PTK6: variants seen among roughly 807,000 people sequenced by gnomAD.
PTK6 encodes protein tyrosine kinase 6, also known as protein-tyrosine kinase 6.
Under a neutral mutation model 47.5 loss-of-function variants are expected in PTK6, and 47 were observed. The observed-to-expected ratio is 0.99, with a 90% CI of 0.78 to 1.26. PTK6 has a LOEUF of 1.26. PTK6 is among the 50% of genes most tolerant of loss of function. The probability of loss-of-function intolerance (pLI) is 0.00; values close to 1 mark genes in which losing one functional copy is unlikely to be tolerated. For missense variants in PTK6, 618 were observed against 625.3 expected, an observed-to-expected ratio of 0.99 and a Z score of 0.12; for synonymous variants, 287 against 276.5, an observed-to-expected ratio of 1.04 and a Z score of -0.38.
In PTK6 at chr20:63,533,624, G is replaced by A. The variant is rs368927711; in HGVS notation, c.597C>T (p.Ser199=). 3.8e-5 allele frequency: 61 copies of A among 1,613,830 alleles called. No homozygotes were observed. In the African/African-American group the frequency reaches 5.3e-4, roughly 14 times the overall value. ...CCTCGAAGACCTCCCCAAAGTAGCCGGACCCCAGCTTCCTGCAGAGCGTGA... is the reference window on the plus strand; with the variant it reads ...CCTCGAAGACCTCCCCAAAGTAGCCAGACCCCAGCTTCCTGCAGAGCGTGA... ...EEFTLCRKLG[S]GYFGEVFEGL... The change falls in exon 4 of 8, where the codon TCC becomes TCT. Residue 199 remains serine, a synonymous_variant. Transcript: ENST00000542869. The surrounding 1 kb of genome is among the most constrained non-coding windows in gnomAD (Gnocchi z 4.0).
Position 63,537,036 on chromosome 20 carries a change from G to A in PTK6, c.230+49C>T, listed in dbSNP as rs1001391513. The A allele has an allele frequency of 6.5e-7, 1 of 1,537,738 alleles. No individual in the cohort carries two copies. The highest frequency in any genetic ancestry group is 1.4e-5 in the African/African-American group (1 of 72,894). On this transcript the variant is annotated intron_variant, in intron 1 of 7. Coordinates refer to ENST00000542869, the MANE Select transcript of PTK6 (RefSeq NM_005975.4). ...GCCCAGAGCCCTGTCCCTCCCCTGT[G>A]CCTAGAGGGTGGCCTGTGCCAAAGC... is the stretch of plus-strand genomic sequence containing the variant.
rs2082678642 is a variant in PTK6, at chr20:63,537,341, G to A, written c.-27C>T. Reference sequence around the variant, plus strand: ...GCGGGCGGGCGCAGCGGCAGGACCAGGCTGTGGCCCAGCTGGAGCACCCAG... The same window carrying A: ...GCGGGCGGGCGCAGCGGCAGGACCAAGCTGTGGCCCAGCTGGAGCACCCAG... On this transcript the variant is annotated 5_prime_UTR_variant, in exon 1 of 8. Coordinates refer to ENST00000542869, the MANE Select transcript of PTK6 (RefSeq NM_005975.4). 1.3e-6 allele frequency: 2 copies of A among 1,570,420 alleles called. No homozygotes were observed. Among genetic ancestry groups the A allele is most frequent in the Non-Finnish European group, 8.7e-7 (1 of 1,154,416 alleles).
chr20:63,537,351 C>T lies in PTK6; in HGVS notation c.-37G>A. The T allele has an allele frequency of 6.5e-7, 1 of 1,538,110 alleles. No individual in the cohort carries two copies. Among genetic ancestry groups the T allele is most frequent in the Non-Finnish European group, 8.8e-7 (1 of 1,130,728 alleles). On this transcript the variant is annotated 5_prime_UTR_variant, in exon 1 of 8. Transcript: ENST00000542869. ...GCAGCGGCAGGACCAGGCTGTGGCCCAGCTGGAGCACCCAGAGCTGGGCGT... is the reference window on the plus strand; with the variant it reads ...GCAGCGGCAGGACCAGGCTGTGGCCTAGCTGGAGCACCCAGAGCTGGGCGT...
Position 63,530,628 on chromosome 20 carries a change from C to T in PTK6, c.1014+118G>A. ...CCACCTCCCTGCCCAGCCTGGGCTCCCGAGGGCAGGGGCCGCATCCTGCTC... is the reference window on the plus strand; with the variant it reads ...CCACCTCCCTGCCCAGCCTGGGCTCTCGAGGGCAGGGGCCGCATCCTGCTC... On this transcript the variant is annotated intron_variant, in intron 6 of 7. Coordinates refer to ENST00000542869, the MANE Select transcript of PTK6 (RefSeq NM_005975.4). The surrounding 1 kb of genome is among the most constrained non-coding windows in gnomAD (Gnocchi z 4.1). 2.3e-6 allele frequency: 3 copies of T among 1,302,558 alleles called. No homozygotes were observed. The highest frequency in any genetic ancestry group is 3.1e-6 in the Non-Finnish European group (3 of 960,626). The allele number at this position is 1,302,558 out of a possible 1,614,324, so 80.7% of individuals were successfully genotyped here. A position where few individuals can be genotyped will look rare whatever the true frequency, so the allele number is the denominator to read the frequency against.
intron 4 of PTK6, 125 bp from the exon 5 acceptor site, chr20:63,532,812 T>C: frequency 7.8e-7 from 1 of 1,284,260 alleles, no homozygotes; most frequent in Non-Finnish European, 1.0e-6. Flanking sequence ...CACACAGACC[T>C]CCTGCCCCCG....
At chr20:63,531,613 T>C (rs1327731911) in intron 5 of PTK6, among the ~76,000 whole-genome samples, 2 of 107,300 alleles carry the variant, frequency 1.9e-5, no homozygotes, top group African/African-American at 2.7e-4. Context: ...AGACTCCGTC[T>C]CAAAAAAAAA....
At position 63,532,594 on chromosome 20, in the gene PTK6, GA is replaced by G. The variant is rs1569011617; in HGVS notation, c.763del (p.Ser255ProfsTer79). ...KHILALYAVV[S>X]VGDPVYIITE... ...GATGATGTACACGGGGTCCCCCACG[GA>G]CACCACGGCGTACAGCGCCAGGATG... On this transcript the variant is annotated frameshift_variant, in exon 5 of 8. Transcript: ENST00000542869. LOFTEE classifies it high-confidence loss of function. The G allele has an allele frequency of 4.3e-6, 7 of 1,614,088 alleles. No individual in the cohort carries two copies. Among genetic ancestry groups the G allele is most frequent in the Non-Finnish European group, 5.9e-6 (7 of 1,180,004 alleles).
chr20:63,530,180 G>A lies in PTK6; in HGVS notation c.1066C>T (p.Pro356Ser), dbSNP rs777792665. The A allele has an allele frequency of 1.2e-6, 2 of 1,614,092 alleles. No individual in the cohort carries two copies. Among genetic ancestry groups the A allele is most frequent in the Non-Finnish European group, 1.7e-6 (2 of 1,179,992 alleles). The change falls in exon 7 of 8, where the codon CCT (proline) becomes TCT (serine). Residue 356 changes from proline to serine, a missense_variant. By Grantham distance (74) the Pro-to-Ser change is moderately conservative (BLOSUM62 -1). Coordinates refer to ENST00000542869, the MANE Select transcript of PTK6 (RefSeq NM_005975.4). This position sits in a 1 kb window ranked among gnomAD's most constrained non-coding sequence, Gnocchi z 4.1. Reference protein sequence around the residue: ...DHNIPYKWTAPEALSRGHYST... With the variant: ...DHNIPYKWTASEALSRGHYST... ...TAATGGCCTCGGGAGAGCGCTTCAGGGGCCGTCCACTTGTAGGGGATATTG... is the reference window on the plus strand; with the variant it reads ...TAATGGCCTCGGGAGAGCGCTTCAGAGGCCGTCCACTTGTAGGGGATATTG...
Position 63,537,084 on chromosome 20 carries a change from C to G in PTK6, c.230+1G>C. 1 of 1,606,722 alleles carries G rather than the reference C, an allele frequency of 6.2e-7. No homozygotes were observed. The highest frequency in any genetic ancestry group is 8.5e-7 in the Non-Finnish European group (1 of 1,177,100). ...AGCTCCCAGCAGCCTAGGACACGCACGGTTCCGACTCCACCGTCTCCCTCT... is the reference window on the plus strand; with the variant it reads ...AGCTCCCAGCAGCCTAGGACACGCAGGGTTCCGACTCCACCGTCTCCCTCT... On this transcript the variant is annotated splice_donor_variant, in intron 1 of 7. Transcript: ENST00000542869. LOFTEE classifies it high-confidence loss of function.
intron 5 of PTK6, 82 bp downstream of exon 5, chr20:63,532,444 T>C: frequency 2.1e-6 from 3 of 1,444,278 alleles, no homozygotes; most frequent in Non-Finnish European, 2.8e-6. Flanking sequence ...TGTGTGTGTG[T>C]AGACGTGGGG....
In PTK6 at chr20:63,530,327, G is replaced by A; in HGVS notation, c.1015-96C>T. On this transcript the variant is annotated intron_variant, in intron 6 of 7. Coordinates refer to ENST00000542869, the MANE Select transcript of PTK6 (RefSeq NM_005975.4). This position sits in a 1 kb window ranked among gnomAD's most constrained non-coding sequence, Gnocchi z 4.1. ...CAGCGGCCGCATTGCCCCAGCAGTG[G>A]GACGGTGATGACCCCACTGTCTGAC... 3 of 1,477,268 alleles carry A rather than the reference G, an allele frequency of 2.0e-6. No homozygotes were observed. Among genetic ancestry groups the A allele is most frequent in the South Asian group, 2.5e-5 (2 of 79,942 alleles). The allele number at this position is 1,477,268 out of a possible 1,614,324, so 91.5% of individuals were successfully genotyped here.
chr20:63,530,276 C>A lies in PTK6; in HGVS notation c.1015-45G>T. 1 of 1,603,854 alleles carries A rather than the reference C, an allele frequency of 6.2e-7. No homozygotes were observed. Among genetic ancestry groups the A allele is most frequent in the South Asian group, 1.1e-5 (1 of 90,484 alleles). ...GAGTGGGCCGTGGGGGCTGCCTGTGCCCTGCCCCCGAAGCATGGACGGGCA... is the reference window on the plus strand; with the variant it reads ...GAGTGGGCCGTGGGGGCTGCCTGTGACCTGCCCCCGAAGCATGGACGGGCA... On this transcript the variant is annotated intron_variant, in intron 6 of 7. Coordinates refer to ENST00000542869, the MANE Select transcript of PTK6 (RefSeq NM_005975.4). The surrounding 1 kb of genome is among the most constrained non-coding windows in gnomAD (Gnocchi z 4.1).
In PTK6 at chr20:63,533,409, G is replaced by C. The variant is rs2082640569; in HGVS notation, c.670+142C>G. The C allele has an allele frequency of 1.0e-6, 1 of 958,724 alleles. No homozygotes were observed. Among genetic ancestry groups the C allele is most frequent in the African/African-American group, 1.7e-5 (1 of 58,782 alleles). The allele number at this position is 958,724 out of a possible 1,614,324, so 59.4% of individuals were successfully genotyped here. A position where few individuals can be genotyped will look rare whatever the true frequency, so the allele number is the denominator to read the frequency against. On this transcript the variant is annotated intron_variant, in intron 4 of 7. Coordinates refer to ENST00000542869, the MANE Select transcript of PTK6 (RefSeq NM_005975.4). This position sits in a 1 kb window ranked among gnomAD's most constrained non-coding sequence, Gnocchi z 4.0. Reference sequence around the variant, plus strand: ...TAAATGTATTTAGGTAAAAACATAGGTGCAATTGAAAGGGAACCACTCTCG... The same window carrying C: ...TAAATGTATTTAGGTAAAAACATAGCTGCAATTGAAAGGGAACCACTCTCG...
intron 1 of PTK6, among the ~76,000 whole-genome samples, chr20:63,535,535 ACTCC>A (rs2082658131): frequency 1.3e-5 from 2 of 151,642 alleles, no homozygotes; most frequent in African/African-American, 4.9e-5. Context: ...GCGCGCACTA[ACTCC>A]CGGCTGCGGG....
rs527896322 is a variant in PTK6 at position 63,533,826 on chromosome 20, G to T, written c.517-122C>A. 1.5e-6 allele frequency: 2 copies of T among 1,354,988 alleles called. No individual in the cohort carries two copies. Among genetic ancestry groups the T allele is most frequent in the African/African-American group, 1.5e-5 (1 of 66,954 alleles). The allele number at this position is 1,354,988 out of a possible 1,614,324, so 83.9% of individuals were successfully genotyped here. On this transcript the variant is annotated intron_variant, in intron 3 of 7. Transcript: ENST00000542869. This position sits in a 1 kb window ranked among gnomAD's most constrained non-coding sequence, Gnocchi z 4.0. ...GGGCCACGATCAGCCTGGGTTGGGG[G>T]TTTCTGAGTGTCTGACACAAGGGTG...
At chr20:63,535,632 C>T (rs967727759) in intron 1 of PTK6, among the ~76,000 whole-genome samples, 2 of 151,934 alleles carry the variant, frequency 1.3e-5, no homozygotes, top group Admixed American at 6.6e-5. Context: ...GTGTCTGACT[C>T]CCTCAGGTCA....
At chr20:63,531,463 T>TATAA (rs1337093853) in intron 5 of PTK6, among the ~76,000 whole-genome samples, 88 of 94,478 alleles carry the variant, frequency 9.3e-4, no homozygotes, top group Admixed American at 1.8e-3. Flanking sequence ...TATATATATA[T>TATAA]AATTAGCTGG....
Position 63,537,250 on chromosome 20 carries a change from C to A in PTK6, c.65G>T (p.Arg22Leu). The A allele has an allele frequency of 6.2e-7, 1 of 1,612,358 alleles. No homozygotes were observed. The highest frequency in any genetic ancestry group is 1.1e-5 in the South Asian group (1 of 91,030). ...GCGGAAGCTCAGCTCCTCGTCCGTC[C>A]GGGACTTGAAGTCCCAGAGGCCCAC... ...KYVGLWDFKS[R>L]TDEELSFRAG... The change falls in exon 1 of 8, where the codon CGG (arginine) becomes CTG (leucine). Residue 22 changes from arginine to leucine, a missense_variant. Arg to Leu is a moderately radical substitution (Grantham distance 102, BLOSUM62 -2). Coordinates refer to ENST00000542869, the MANE Select transcript of PTK6 (RefSeq NM_005975.4).
intron 3 of PTK6, 99 bp downstream of exon 3, chr20:63,534,053 C>T: frequency 7.1e-7 from 1 of 1,403,508 alleles, no homozygotes. Context: ...TGAGTCAGGA[C>T]CCCTCCCATG....
Sources: gnomAD v4.1 joint callset for allele counts (sites outside exome capture counted in the v4.1 genomes callset) on GRCh38, gnomAD v4.1.1 for gene constraint, Gnocchi (gnomAD v3.1) non-coding constraint, MANE v1.5 for transcripts, NCBI Gene and HGNC (gene_info 2026-07-23, HGNC 2026-07-21) for gene names.